PTPN4: variants seen among roughly 807,000 people sequenced by gnomAD.
The protein encoded by PTPN4 is protein tyrosine phosphatase non-receptor type 4.
PTPN4 carries 49 observed loss-of-function variants against 135.5 expected under a neutral mutation model. The ratio of observed to expected loss-of-function variants is 0.36; its 90% CI spans 0.29 to 0.46. The LOEUF (loss-of-function observed/expected upper bound fraction) is 0.46, where lower values mean the gene tolerates loss of function less well. PTPN4 is among the 20% of genes least tolerant of loss of function. The probability of loss-of-function intolerance (pLI) is 1.00; values close to 1 mark genes in which losing one functional copy is unlikely to be tolerated. For missense variants in PTPN4, 860 were observed against 1,101.0 expected (o/e 0.78, Z 3.10); for synonymous variants, 333 against 369.9 (o/e 0.90, Z 1.14).
At chr2:119,766,971 C>T (rs72969117) in intron 1 of PTPN4, among the ~76,000 whole-genome samples, 3,848 of 152,202 alleles carry the variant, frequency 0.025, 165 homozygotes, top group African/African-American at 0.087. Flanking sequence ...TGCTAGACAG[C>T]GAAGTTGTCA....
At chr2:119,918,347 T>C (rs1678687863) in intron 11 of PTPN4, among the ~76,000 whole-genome samples, 2 of 152,238 alleles carry the variant, frequency 1.3e-5, no homozygotes, top group African/African-American at 2.4e-5. Context: ...ATTTGGACTA[T>C]GTTAAAATTA....
rs963594086 is a variant in PTPN4, at chr2:119,915,517, G to A, written c.828+275G>A. ...CATGATGTTCATTGAAAACCTCAGGGTCCATTTTTGAAGGGCAGCAAATGA... is the reference window on the plus strand; with the variant it reads ...CATGATGTTCATTGAAAACCTCAGGATCCATTTTTGAAGGGCAGCAAATGA... On this transcript the variant is annotated intron_variant, in intron 11 of 26. Coordinates refer to ENST00000263708, the MANE Select transcript of PTPN4 (RefSeq NM_002830.4). The A allele has an allele frequency of 3.2e-5, 7 of 217,228 alleles. No individual in the cohort carries two copies. In the South Asian group the frequency reaches 8.2e-4, roughly 25 times the overall value. 13.5% of individuals were successfully genotyped at this position (217,228 alleles called of 1,614,324 possible).
At chr2:119,931,190 T>G (rs897893024) in intron 13 of PTPN4, among the ~76,000 whole-genome samples, 3 of 152,056 alleles carry the variant, frequency 2.0e-5, no homozygotes, top group African/African-American at 7.2e-5. Context: ...ACAAGATGAT[T>G]TATTATATAC....
At chr2:119,882,214 G>T in intron 7 of PTPN4, 65 bp downstream of exon 7, 1 of 1,415,122 alleles carries the variant, frequency 7.1e-7, no homozygotes, top group East Asian at 2.3e-5. Flanking sequence ...TAGTACATTG[G>T]CTTCAATGTG....
At position 119,809,976 on chromosome 2, in the gene PTPN4, A is replaced by G. The variant is rs756446907; in HGVS notation, c.123A>G (p.Gln41=). Residue 41 remains glutamine, a synonymous_variant, in exon 2 of 27, where the codon CAA becomes CAG. Coordinates refer to ENST00000263708, the MANE Select transcript of PTPN4 (RefSeq NM_002830.4). ...CNILLLDNTV[Q]AFKVNKHDQG... ...TCCTTCTTCTGGATAACACTGTACA[A>G]GCTTTCAAAGTCAATGTAAGTATTT... 1.7e-5 allele frequency: 27 copies of G among 1,607,492 alleles called. No individual in the cohort carries two copies. In the South Asian group the frequency reaches 2.9e-4, roughly 17 times the overall value.
Position 119,855,501 on chromosome 2 carries a change from C to A in PTPN4, c.139-7035C>A, listed in dbSNP as rs375980214. Among the ~76,000 whole-genome samples, 9 of 152,234 alleles carry A rather than the reference C, an allele frequency of 5.9e-5. No homozygotes were observed. The East Asian group carries it at 1.5e-3, about 26-fold the overall frequency. ...ATTTTTCTCATATCTTAGAAGTTTCCCTTCTTTACATATAATAGGGGCATC... is the reference window on the plus strand; with the variant it reads ...ATTTTTCTCATATCTTAGAAGTTTCACTTCTTTACATATAATAGGGGCATC... On this transcript the variant is annotated intron_variant, in intron 2 of 26. Transcript: ENST00000263708.
intron 1 of PTPN4, among the ~76,000 whole-genome samples, chr2:119,780,222 T>C (rs999088806): frequency 3.3e-5 from 5 of 152,194 alleles, no homozygotes; most frequent in Middle Eastern, 3.2e-3. Flanking sequence ...TTCTGAACTA[T>C]TTGAGGATTG....
intron 12 of PTPN4, among the ~76,000 whole-genome samples, chr2:119,925,589 A>T (rs1391944004): frequency 6.6e-6 from 1 of 152,200 alleles, no homozygotes; most frequent in Non-Finnish European, 1.5e-5. Flanking sequence ...TGAAGTAGGA[A>T]TGAAGTAGGA....
chr2:119,934,660 T>C (rs1678955018), intron 14 of PTPN4, 140 bp from the exon 15 acceptor site: 3 of 783,336 alleles, frequency 3.8e-6, no homozygotes, highest in Non-Finnish European at 2.0e-6. Context: ...TATATCACAC[T>C]GTCTTTTTCA....
intron 2 of PTPN4, among the ~76,000 whole-genome samples, chr2:119,858,112 G>A (rs1202882154): frequency 6.6e-6 from 1 of 152,184 alleles, no homozygotes; most frequent in Non-Finnish European, 1.5e-5. Context: ...AGCTTCCCGA[G>A]GCCCTCAACA....
intron 2 of PTPN4, among the ~76,000 whole-genome samples, chr2:119,845,336 C>A (rs1358479865): frequency 6.7e-6 from 1 of 148,814 alleles, no homozygotes; most frequent in African/African-American, 2.5e-5. Context: ...TCTTTAAATT[C>A]ACCAGGGAAA....
intron 2 of PTPN4, among the ~76,000 whole-genome samples, chr2:119,814,770 C>T (rs1321476880): frequency 1.3e-5 from 2 of 152,166 alleles, no homozygotes; most frequent in East Asian, 3.9e-4. Flanking sequence ...CAGTGCCTAC[C>T]TTGAAGGAGA....
chr2:119,888,559 T>G (rs983227785), intron 9 of PTPN4, among the ~76,000 whole-genome samples: 2 of 152,206 alleles, frequency 1.3e-5, no homozygotes, highest in Admixed American at 6.5e-5. Flanking sequence ...TTTCAAATGC[T>G]TTTACAATGT....
chr2:119,861,039 T>TC (rs1677753264), intron 2 of PTPN4, among the ~76,000 whole-genome samples: 1 of 137,906 alleles, frequency 7.3e-6, no homozygotes, highest in Non-Finnish European at 1.6e-5. Flanking sequence ...AGAGCGAAAC[T>TC]CCATCTCAAA....
At chr2:119,818,036 G>A (rs1476159056) in intron 2 of PTPN4, among the ~76,000 whole-genome samples, 1 of 152,144 alleles carries the variant, frequency 6.6e-6, no homozygotes, top group Non-Finnish European at 1.5e-5. Context: ...TGCTGAAGTT[G>A]TTTATCAGCT....
At chr2:119,783,482 T>G (rs573046925) in intron 1 of PTPN4, among the ~76,000 whole-genome samples, 38 of 152,206 alleles carry the variant, frequency 2.5e-4, no homozygotes, top group African/African-American at 3.6e-4. Flanking sequence ...GATTGAAGAT[T>G]AGCAAACCTT....
At chr2:119,795,725 T>TG (rs1691245260) in intron 1 of PTPN4, among the ~76,000 whole-genome samples, 3 of 152,228 alleles carry the variant, frequency 2.0e-5, no homozygotes, top group Admixed American at 1.3e-4. Context: ...CATCCATGCC[T>TG]GGGGGGCGGG....
At chr2:119,946,464 G>T in intron 17 of PTPN4, 40 bp downstream of exon 17, 1 of 1,589,942 alleles carries the variant, frequency 6.3e-7, no homozygotes, top group Non-Finnish European at 8.6e-7. Flanking sequence ...TTTAAATTAA[G>T]ATGTTCTTAT....
intron 10 of PTPN4, among the ~76,000 whole-genome samples, chr2:119,907,685 A>G (rs1678509910): frequency 6.6e-6 from 1 of 152,176 alleles, no homozygotes; most frequent in South Asian, 2.1e-4. Flanking sequence ...GAGGACAAAG[A>G]TGGAAGACAT....
Sources: allele counts gnomAD v4.1 joint callset (sites outside exome capture counted in the v4.1 genomes callset), GRCh38; gene constraint gnomAD v4.1.1; transcripts MANE v1.5; gene names NCBI Gene and HGNC (gene_info 2026-07-23, HGNC 2026-07-21).